Variants in GRID2 observed in about 807,000 individuals in gnomAD.
GRID2 encodes glutamate receptor ionotropic, delta-2.
A neutral mutation model predicts 114.8 loss-of-function variants in GRID2; 33 were observed. That is an observed-to-expected ratio of 0.29 (90% CI 0.22 to 0.38). GRID2 has a LOEUF of 0.38. Among genes scored for constraint, GRID2 ranks in the 10% least tolerant of loss-of-function variants. The pLI is 1.00. For missense variants in GRID2, 1,184 were observed against 1,257.7 expected, an observed-to-expected ratio of 0.94 and a Z score of 0.89; for synonymous variants, 505 against 449.9, an observed-to-expected ratio of 1.12 and a Z score of -1.55.
At chr4:93,453,213 A>G (rs759087582) in intron 10 of GRID2, among the ~76,000 whole-genome samples, 2 of 151,528 alleles carry the variant, frequency 1.3e-5, no homozygotes, top group Non-Finnish European at 2.9e-5. Context: ...AGTAAGGACT[A>G]CCACATACTC....
chr4:93,483,903 T>C (rs1235213752), intron 11 of GRID2, among the ~76,000 whole-genome samples: 1 of 151,880 alleles, frequency 6.6e-6, no homozygotes, highest in African/African-American at 2.4e-5. Context: ...AGCCTAATTT[T>C]TGCAATACTT....
In GRID2 at chr4:93,097,204, A is replaced by G. The variant is rs76743129; in HGVS notation, c.529+11925A>G. The stretch of plus-strand genomic sequence containing the variant: ...TGGAAATATCCATTATCTTGTTTTG[A>G]GTGATAGTAACAGTGGAATACAATA... On this transcript the variant is annotated intron_variant, in intron 3 of 15. Coordinates refer to ENST00000282020, the MANE Select transcript of GRID2 (RefSeq NM_001510.4). 2.3e-3 allele frequency among the ~76,000 whole-genome samples: 353 copies of G among 152,110 alleles called. 1 individual carries two copies. Among genetic ancestry groups the G allele is most frequent in the African/African-American group, 8.1e-3 (335 of 41,546 alleles).
intron 2 of GRID2, among the ~76,000 whole-genome samples, chr4:93,037,220 A>G (rs1415323674): frequency 6.6e-6 from 1 of 152,192 alleles, no homozygotes; most frequent in Non-Finnish European, 1.5e-5. Context: ...TATTACCTTA[A>G]ATTCCAAAAT....
intron 2 of GRID2, among the ~76,000 whole-genome samples, chr4:92,858,500 G>A (rs948503185): frequency 3.3e-5 from 5 of 152,212 alleles, no homozygotes; most frequent in Non-Finnish European, 7.3e-5. Context: ...GGAGCCTGAA[G>A]AAGTGACTGA....
Position 93,075,883 on chromosome 4 carries a change from C to CTCTTT in GRID2, c.245-9111_245-9110insCTTTT, listed in dbSNP as rs1490779668. On this transcript the variant is annotated intron_variant, in intron 2 of 15. Transcript: ENST00000282020. ...GTATTGGGATGTCGAAGTTACCTCT[C>CTCTTT]TTTTTTTTTTTTTTTTTTTTTTTTT... Among the ~76,000 whole-genome samples the CTCTTT allele has an allele frequency of 9.0e-4, 69 of 76,608 alleles. 4 individuals carry two copies. Among genetic ancestry groups the CTCTTT allele is most frequent in the African/African-American group, 3.2e-3 (61 of 18,776 alleles). The allele number at this position is 76,608 out of a possible 152,430, so 50.3% of individuals were successfully genotyped here. A position where few individuals can be genotyped will look rare whatever the true frequency, so the allele number is the denominator to read the frequency against.
chr4:92,507,185 G>A (rs112440306), intron 1 of GRID2, among the ~76,000 whole-genome samples: 1 of 151,974 alleles, frequency 6.6e-6, no homozygotes, highest in African/African-American at 2.4e-5. Context: ...TGAGGTTAAT[G>A]TTTTTGATAG....
At chr4:93,457,947 A>G (rs1251054990) in intron 11 of GRID2, among the ~76,000 whole-genome samples, 1 of 134,344 alleles carries the variant, frequency 7.4e-6, no homozygotes, top group Admixed American at 7.3e-5. Flanking sequence ...TCAGATGCAC[A>G]GAAGAGACAT....
At chr4:92,954,815 T>C (rs1457260837) in intron 2 of GRID2, among the ~76,000 whole-genome samples, 1 of 140,848 alleles carries the variant, frequency 7.1e-6, no homozygotes, top group Non-Finnish European at 1.5e-5. Context: ...CCTTTCTGTG[T>C]CCATGTGATC....
chr4:93,058,509 A>C (rs1727472911), intron 2 of GRID2, among the ~76,000 whole-genome samples: 1 of 152,000 alleles, frequency 6.6e-6, no homozygotes, highest in Non-Finnish European at 1.5e-5. Context: ...TGAGTTTGCC[A>C]AAGAAATCGT....
intron 13 of GRID2, among the ~76,000 whole-genome samples, chr4:93,556,278 T>C (rs1176655637): frequency 2.0e-5 from 3 of 152,108 alleles, no homozygotes; most frequent in Non-Finnish European, 4.4e-5. Context: ...TTGATAGAAG[T>C]AGGCTTCAGA....
chr4:92,964,303 A>C (rs1264378733), intron 2 of GRID2, among the ~76,000 whole-genome samples: 1 of 151,968 alleles, frequency 6.6e-6, no homozygotes, highest in Non-Finnish European at 1.5e-5. Context: ...CTTCCAATAT[A>C]AGGCTGCTTT....
chr4:93,210,279 T>C (rs1236585256), intron 5 of GRID2, among the ~76,000 whole-genome samples: 1 of 152,148 alleles, frequency 6.6e-6, no homozygotes, highest in South Asian at 2.1e-4. Flanking sequence ...AATAAAATGG[T>C]CCAGTTTCAA....
chr4:93,738,060 A>T (rs568640448), intron 14 of GRID2, among the ~76,000 whole-genome samples: 1 of 152,170 alleles, frequency 6.6e-6, no homozygotes, highest in African/African-American at 2.4e-5. Flanking sequence ...GAAAGTTTTC[A>T]GAGTAGTCCA....
intron 4 of GRID2, among the ~76,000 whole-genome samples, chr4:93,173,567 A>G (rs548258824): frequency 3.7e-4 from 56 of 152,300 alleles, no homozygotes; most frequent in African/African-American, 1.3e-3. Flanking sequence ...TTAATATCCT[A>G]TGTAAGAAAA....
intron 2 of GRID2, among the ~76,000 whole-genome samples, chr4:92,701,435 A>G (rs1247509237): frequency 1.3e-5 from 2 of 152,176 alleles, no homozygotes; most frequent in African/African-American, 4.8e-5. Context: ...CAAAGTACTC[A>G]TAGTGTTAAG....
chr4:93,010,037 C>T (rs1248500287), intron 2 of GRID2, among the ~76,000 whole-genome samples: 1 of 151,970 alleles, frequency 6.6e-6, no homozygotes, highest in Non-Finnish European at 1.5e-5. Flanking sequence ...TGTCAACTAA[C>T]CTTTATTCTA....
chr4:93,753,933 A>T (rs1193962780), intron 14 of GRID2, among the ~76,000 whole-genome samples: 1 of 152,178 alleles, frequency 6.6e-6, no homozygotes, highest in Non-Finnish European at 1.5e-5. Flanking sequence ...ATGGGGATAC[A>T]TTCTGAGAAA....
At chr4:93,282,384 G>C (rs1752739302) in intron 8 of GRID2, 1 of 449,334 alleles carries the variant, frequency 2.2e-6, no homozygotes, top group African/African-American at 2.0e-5. Context: ...TAGTTCTAGA[G>C]ACTGGGAAGT....
chr4:93,580,819 A>G (rs1467116089), intron 13 of GRID2, among the ~76,000 whole-genome samples: 2 of 29,892 alleles, frequency 6.7e-5, no homozygotes, highest in African/African-American at 2.6e-4. Context: ...AACCCCCCCC[A>G]GTAACCCCCA....
Sources: gnomAD v4.1 joint callset for allele counts (sites outside exome capture counted in the v4.1 genomes callset) on GRCh38, gnomAD v4.1.1 for gene constraint, MANE v1.5 for transcripts, NCBI Gene and HGNC (gene_info 2026-07-23, HGNC 2026-07-21) for gene names.